Variants in PRKN observed in about 807,000 individuals in gnomAD.
PRKN encodes the protein parkin RBR E3 ubiquitin protein ligase, also known as E3 ubiquitin-protein ligase parkin.
PRKN carries 56 observed loss-of-function variants against 59.5 expected under a neutral mutation model. That is an observed-to-expected ratio of 0.94 (90% CI 0.76 to 1.18). PRKN has a LOEUF of 1.18. Among genes scored for constraint, PRKN ranks in the 50% most tolerant of loss-of-function variants. PRKN has a pLI of 0.00. For synonymous variants in PRKN, 250 were observed against 222.1 expected (o/e 1.13, Z -1.12); for missense variants, 657 against 596.4 (o/e 1.10, Z -1.06).
chr6:162,426,311 T>A (rs1273357364), intron 2 of PRKN, among the ~76,000 whole-genome samples: 1 of 152,154 alleles, frequency 6.6e-6, no homozygotes, highest in Non-Finnish European at 1.5e-5. Context: ...GTCAAAGGTG[T>A]CCTTATGAGG....
At chr6:162,469,550 T>C (rs1309785024) in intron 1 of PRKN, among the ~76,000 whole-genome samples, 2 of 151,088 alleles carry the variant, frequency 1.3e-5, no homozygotes, top group Non-Finnish European at 2.9e-5. Flanking sequence ...TACTCAGCCA[T>C]TAAAAGGAAT....
intron 8 of PRKN, among the ~76,000 whole-genome samples, chr6:161,565,918 C>A (rs1200544879): frequency 6.6e-6 from 1 of 152,108 alleles, no homozygotes; most frequent in Admixed American, 6.5e-5. Flanking sequence ...CCCACTGTTA[C>A]CAGGCGGAAC....
At chr6:161,493,729 A>G (rs1777643147) in intron 9 of PRKN, among the ~76,000 whole-genome samples, 1 of 152,204 alleles carries the variant, frequency 6.6e-6, no homozygotes, top group Non-Finnish European at 1.5e-5. Flanking sequence ...TTAGGGTGAA[A>G]CAGAACGACG....
chr6:162,534,893 C>G (rs1378602760), intron 1 of PRKN, among the ~76,000 whole-genome samples: 1 of 152,156 alleles, frequency 6.6e-6, no homozygotes, highest in Admixed American at 6.5e-5. Context: ...TTTCTAAACT[C>G]TGCCTTGACC....
At chr6:161,556,383 T>C (rs995234187) in intron 8 of PRKN, among the ~76,000 whole-genome samples, 2 of 152,182 alleles carry the variant, frequency 1.3e-5, no homozygotes, top group African/African-American at 4.8e-5. Flanking sequence ...AGAAAAACAC[T>C]GACCTGGAAC....
At chr6:162,516,695 G>A (rs1167233471) in intron 1 of PRKN, among the ~76,000 whole-genome samples, 1 of 151,360 alleles carries the variant, frequency 6.6e-6, no homozygotes, top group African/African-American at 2.4e-5. Flanking sequence ...TTCGGGAGGT[G>A]GAGCTTGCAG....
intron 6 of PRKN, among the ~76,000 whole-genome samples, chr6:161,932,352 T>A (rs1392480970): frequency 6.6e-6 from 1 of 152,150 alleles, no homozygotes; most frequent in Non-Finnish European, 1.5e-5. Context: ...TATTTATATT[T>A]TTATATCAAC....
chr6:162,176,267 G>A (rs991384491), intron 4 of PRKN, among the ~76,000 whole-genome samples: 3 of 152,154 alleles, frequency 2.0e-5, no homozygotes, highest in Non-Finnish European at 4.4e-5. Context: ...AGTTGGTTGA[G>A]GCTAGGCTAG....
At chr6:162,642,933 T>C (rs2128224890) in intron 1 of PRKN, among the ~76,000 whole-genome samples, 1 of 152,274 alleles carries the variant, frequency 6.6e-6, no homozygotes, top group East Asian at 1.9e-4. Context: ...TAAGACATAG[T>C]ATGATTGAAG....
Position 161,369,573 on chromosome 6 carries a change from CG to C in PRKN, c.1168-9369del, listed in dbSNP as rs1785356340. On this transcript the variant is annotated intron_variant, in intron 10 of 11. Transcript: ENST00000366898. This position sits in a 1 kb window ranked among gnomAD's most constrained non-coding sequence, Gnocchi z 5.8. ...ATTGTGCAATAAAGTGTGGCTCTCA[CG>C]GGGCAGTGTAACTGTTAGGTAATTG... is the stretch of plus-strand genomic sequence containing the variant. Among the ~76,000 whole-genome samples the C allele has an allele frequency of 1.3e-5, 2 of 152,078 alleles. No individual in the cohort carries two copies. Among genetic ancestry groups the C allele is most frequent in the Non-Finnish European group, 1.5e-5 (1 of 68,014 alleles).
intron 6 of PRKN, among the ~76,000 whole-genome samples, chr6:161,866,748 A>T (rs1254564220): frequency 6.6e-6 from 1 of 152,158 alleles, no homozygotes; most frequent in Non-Finnish European, 1.5e-5. Context: ...CGGCAATAAA[A>T]CCAGGTGTGC....
chr6:161,387,813 A>C (rs955989653), intron 9 of PRKN, among the ~76,000 whole-genome samples: 3 of 152,128 alleles, frequency 2.0e-5, no homozygotes, highest in African/African-American at 7.2e-5. Flanking sequence ...TAAAGTGGTA[A>C]AGGGAAGATG....
intron 2 of PRKN, among the ~76,000 whole-genome samples, chr6:162,384,655 A>C (rs200890781): frequency 3.5e-5 from 5 of 141,582 alleles, no homozygotes; most frequent in African/African-American, 5.2e-5. Context: ...TGTAAAAAAA[A>C]AAAAAAACAA....
chr6:162,086,159 T>C (rs1032667491), intron 4 of PRKN, among the ~76,000 whole-genome samples: 1 of 152,188 alleles, frequency 6.6e-6, no homozygotes, highest in Non-Finnish European at 1.5e-5. Context: ...TATTAACAAA[T>C]GATTCTTTAG....
intron 2 of PRKN, among the ~76,000 whole-genome samples, chr6:162,282,723 A>G (rs1358448109): frequency 6.6e-6 from 1 of 152,208 alleles, no homozygotes; most frequent in Non-Finnish European, 1.5e-5. Flanking sequence ...CAAGTTGCAG[A>G]ATAGCATGCA....
intron 1 of PRKN, among the ~76,000 whole-genome samples, chr6:162,591,949 A>T (rs1174957326): frequency 1.3e-5 from 2 of 150,852 alleles, no homozygotes; most frequent in Non-Finnish European, 2.9e-5. Flanking sequence ...AGCAGTTAGT[A>T]TACAGCTTCA....
At chr6:161,736,848 G>T (rs1374568906) in intron 7 of PRKN, among the ~76,000 whole-genome samples, 1 of 152,176 alleles carries the variant, frequency 6.6e-6, no homozygotes, top group East Asian at 1.9e-4. Flanking sequence ...GGGAAGAAAG[G>T]TCCTGTTCTC....
chr6:161,832,378 C>G (rs6909515), intron 6 of PRKN, among the ~76,000 whole-genome samples: 54,661 of 151,886 alleles, frequency 0.36, 10,035 homozygotes, highest in South Asian at 0.4. Flanking sequence ...GTAATCTCAG[C>G]ACTTTGGGAG....
intron 5 of PRKN, among the ~76,000 whole-genome samples, chr6:162,036,275 G>A (rs550279060): frequency 1.3e-5 from 2 of 151,920 alleles, no homozygotes; most frequent in East Asian, 3.9e-4. Context: ...AGTGAGCCGA[G>A]ATCACGCCAC....
Sources: gnomAD v4.1 joint callset for allele counts (sites outside exome capture counted in the v4.1 genomes callset) on GRCh38, gnomAD v4.1.1 for gene constraint, Gnocchi (gnomAD v3.1) non-coding constraint, MANE v1.5 for transcripts, NCBI Gene and HGNC (gene_info 2026-07-23, HGNC 2026-07-21) for gene names.